DYNC1LI2: variants seen among roughly 807,000 people sequenced by gnomAD.
DYNC1LI2 encodes the protein cytoplasmic dynein 1 light intermediate chain 2.
A neutral mutation model predicts 57.8 loss-of-function variants in DYNC1LI2; 19 were observed. That is an observed-to-expected ratio of 0.33 (90% CI 0.23 to 0.48). The LOEUF is 0.48. DYNC1LI2 is among the 20% of genes least tolerant of loss of function. The probability of loss-of-function intolerance (pLI) is 0.99; values close to 1 mark genes in which losing one functional copy is unlikely to be tolerated. For missense variants in DYNC1LI2, 470 were observed against 604.2 expected, an observed-to-expected ratio of 0.78 and a Z score of 2.33; for synonymous variants, 256 against 233.4, an observed-to-expected ratio of 1.10 and a Z score of -0.88.
At chr16:66,728,621 A>C (rs1270376976) in intron 9 of DYNC1LI2, among the ~76,000 whole-genome samples, 1 of 152,214 alleles carries the variant, frequency 6.6e-6, no homozygotes, top group African/African-American at 2.4e-5. Flanking sequence ...TCTGCATTCT[A>C]AACTGTCAGC....
chr16:66,728,941 C>A lies in DYNC1LI2; in HGVS notation c.1101+99G>T, dbSNP rs943652980. ...CTCAACCCCTCTACCACTGCAAGCT[C>A]TTTGTGACTTCCCACATGCAGACAC... On this transcript the variant is annotated intron_variant, in intron 9 of 12. Transcript: ENST00000258198. 1.1e-5 allele frequency: 14 copies of A among 1,254,448 alleles called. No homozygotes were observed. In the African/African-American group the frequency reaches 2.1e-4, roughly 19 times the overall value. The allele number at this position is 1,254,448 out of a possible 1,614,324, so 77.7% of individuals were successfully genotyped here.
intron 9 of DYNC1LI2, 38 bp downstream of exon 9, chr16:66,729,002 T>C (rs752255213): frequency 3.7e-6 from 6 of 1,606,124 alleles, no homozygotes; most frequent in East Asian, 2.2e-5. Context: ...ATTTCATGCA[T>C]GAGAAGGCCT....
intron 4 of DYNC1LI2, among the ~76,000 whole-genome samples, chr16:66,741,665 C>G (rs2017839241): frequency 1.3e-5 from 2 of 152,040 alleles, no homozygotes; most frequent in Non-Finnish European, 2.9e-5. Context: ...CAAGCTTGCC[C>G]CGGCCAGGAC....
At position 66,727,678 on chromosome 16, in the gene DYNC1LI2, G is replaced by T. The variant is rs748470872; in HGVS notation, c.1261+10C>A. 59 of 1,613,372 alleles carry T rather than the reference G, an allele frequency of 3.7e-5. No individual in the cohort carries two copies. The South Asian group carries it at 6.4e-4, about 17-fold the overall frequency. The stretch of plus-strand genomic sequence containing the variant: ...CTCTCCAAAGAGACATACTTTTGAG[G>T]AATACATACTTTTGATGTTTGGGTC... On this transcript the variant is annotated intron_variant, in intron 11 of 12. Coordinates refer to ENST00000258198, the MANE Select transcript of DYNC1LI2 (RefSeq NM_006141.3).
At chr16:66,725,265 G>A (rs2144965313) in intron 12 of DYNC1LI2, among the ~76,000 whole-genome samples, 1 of 151,114 alleles carries the variant, frequency 6.6e-6, no homozygotes. Context: ...GATCACCTGG[G>A]GTCAGGAATT....
Position 66,723,206 on chromosome 16 carries a change from G to T in DYNC1LI2, c.*516C>A. On this transcript the variant is annotated 3_prime_UTR_variant, in exon 13 of 13. Transcript: ENST00000258198. ...TTCTACTGAATGCACAGTATTTACT[G>T]ACACTGCTCATCTCCTCCTTCCTCC... 2.5e-6 allele frequency: 1 copy of T among 396,686 alleles called. No individual in the cohort carries two copies. Among genetic ancestry groups the T allele is most frequent in the Non-Finnish European group, 5.1e-6 (1 of 196,080 alleles). 24.6% of individuals were successfully genotyped at this position (396,686 alleles called of 1,614,324 possible). A position where few individuals can be genotyped will look rare whatever the true frequency, so the allele number is the denominator to read the frequency against.
intron 5 of DYNC1LI2, 53 bp from the exon 6 acceptor site, chr16:66,734,364 G>A: frequency 5.9e-6 from 9 of 1,530,180 alleles, no homozygotes; most frequent in Non-Finnish European, 8.1e-6. Context: ...TGCTGACGAT[G>A]GGAACACCTC....
At chr16:66,740,809 C>G (rs554480300) in intron 4 of DYNC1LI2, among the ~76,000 whole-genome samples, 1 of 152,318 alleles carries the variant, frequency 6.6e-6, no homozygotes, top group East Asian at 1.9e-4. Flanking sequence ...GAGCAAGGTC[C>G]TCCAGCTGTC....
At position 66,722,720 on chromosome 16, in the gene DYNC1LI2, T is replaced by C. The variant is rs2017468300; in HGVS notation, c.*1002A>G. On this transcript the variant is annotated 3_prime_UTR_variant, in exon 13 of 13. Transcript: ENST00000258198. ...AAGGCAGGGCTTGGTACGAGCCAAT[T>C]AACCAGAGTGCAATTACATTAAAAA... The C allele has an allele frequency of 6.5e-6, 1 of 153,176 alleles. No homozygotes were observed. The highest frequency in any genetic ancestry group is 2.4e-5 in the African/African-American group (1 of 41,446). 9.5% of individuals were successfully genotyped at this position (153,176 alleles called of 1,614,324 possible). A position where few individuals can be genotyped will look rare whatever the true frequency, so the allele number is the denominator to read the frequency against.
intron 3 of DYNC1LI2, among the ~76,000 whole-genome samples, chr16:66,747,623 G>A (rs2017961280): frequency 6.7e-6 from 1 of 150,082 alleles, no homozygotes; most frequent in African/African-American, 2.5e-5. Context: ...AGGCTGGAGT[G>A]CAGTGGTGCA....
chr16:66,740,269 T>G (rs781463236), intron 4 of DYNC1LI2, among the ~76,000 whole-genome samples: 4 of 152,080 alleles, frequency 2.6e-5, no homozygotes, highest in Admixed American at 6.6e-5. Flanking sequence ...TCCAAAATCA[T>G]AAGAATGGAG....
intron 5 of DYNC1LI2, among the ~76,000 whole-genome samples, chr16:66,735,012 A>C (rs2017706895): frequency 6.6e-6 from 1 of 150,930 alleles, no homozygotes; most frequent in Non-Finnish European, 1.5e-5. Flanking sequence ...AAAAAAAAAA[A>C]AAAAAAAAAA....
chr16:66,729,731 ACG>A (rs1458189033), intron 8 of DYNC1LI2, among the ~76,000 whole-genome samples: 1 of 150,692 alleles, frequency 6.6e-6, no homozygotes, highest in Non-Finnish European at 1.5e-5. Flanking sequence ...ATCAGCCACC[ACG>A]CCCCATCTTT....
chr16:66,728,589 T>C (rs1031150445), intron 9 of DYNC1LI2, among the ~76,000 whole-genome samples: 1 of 152,184 alleles, frequency 6.6e-6, no homozygotes, highest in Non-Finnish European at 1.5e-5. Flanking sequence ...CTAACAATAA[T>C]CTGGGTGACA....
At chr16:66,743,854 C>G (rs1021424069) in intron 3 of DYNC1LI2, among the ~76,000 whole-genome samples, 2 of 152,088 alleles carry the variant, frequency 1.3e-5, no homozygotes, top group Non-Finnish European at 2.9e-5. Context: ...ATATGAATTA[C>G]CAGACGCCTA....
chr16:66,723,838 AGC>A lies in DYNC1LI2; in HGVS notation c.1379-18_1379-17del. ...GTCTTTTGTCCTGAAAAAAAAAAAA[AGC>A]AAAAAAGCAAAGTAATGATGTGAGA... On this transcript the variant is annotated splice_polypyrimidine_tract_variant and intron_variant, in intron 12 of 12. Transcript: ENST00000258198. 7.1e-7 allele frequency: 1 copy of A among 1,404,278 alleles called. No homozygotes were observed. Among genetic ancestry groups the A allele is most frequent in the Non-Finnish European group, 9.8e-7 (1 of 1,023,540 alleles). 87.0% of individuals were successfully genotyped at this position (1,404,278 alleles called of 1,614,324 possible).
Position 66,723,512 on chromosome 16 carries a change from G to A in DYNC1LI2, c.*210C>T. On this transcript the variant is annotated 3_prime_UTR_variant, in exon 13 of 13. Transcript: ENST00000258198. ...AGAGCCACATGCCCCAGAGTCCAAG[G>A]GTTATCCTTAACAAAGGGTCTGACA... 2 of 644,846 alleles carry A rather than the reference G, an allele frequency of 3.1e-6. No homozygotes were observed. The highest frequency in any genetic ancestry group is 6.3e-5 in the East Asian group (2 of 31,606). The allele number at this position is 644,846 out of a possible 1,614,324, so 39.9% of individuals were successfully genotyped here.
chr16:66,747,174 G>A (rs1487444944), intron 3 of DYNC1LI2, among the ~76,000 whole-genome samples: 2 of 151,632 alleles, frequency 1.3e-5, no homozygotes, highest in African/African-American at 2.4e-5. Flanking sequence ...TGCCTCCCAG[G>A]TTGAAGCGAT....
intron 7 of DYNC1LI2, 85 bp from the exon 8 acceptor site, chr16:66,730,308 G>C: frequency 8.6e-7 from 1 of 1,160,804 alleles, no homozygotes; most frequent in Non-Finnish European, 1.2e-6. Flanking sequence ...CTCCTGGGTA[G>C]GACACTTCTC....
Sources: allele counts gnomAD v4.1 joint callset (sites outside exome capture counted in the v4.1 genomes callset), GRCh38; gene constraint gnomAD v4.1.1; transcripts MANE v1.5; gene names NCBI Gene and HGNC (gene_info 2026-07-23, HGNC 2026-07-21).